RERE: variants seen among roughly 807,000 people sequenced by gnomAD.
RERE encodes arginine-glutamic acid dipeptide repeats.
Under a neutral mutation model 146.1 loss-of-function variants are expected in RERE, and 40 were observed. The observed-to-expected ratio is 0.27, with a 90% CI of 0.21 to 0.36. The LOEUF (loss-of-function observed/expected upper bound fraction) is 0.36. Ranked by LOEUF, RERE falls within the 10% of genes least tolerant of loss-of-function variation. RERE has a pLI of 1.00. For missense variants in RERE, 1,933 were observed against 2,138.7 expected, an observed-to-expected ratio of 0.90 and a Z score of 1.90; for synonymous variants, 1,003 against 866.0, an observed-to-expected ratio of 1.16 and a Z score of -2.78.
chr1:8,566,168 T>C (rs995579806), intron 4 of RERE, among the ~76,000 whole-genome samples: 2 of 152,100 alleles, frequency 1.3e-5, no homozygotes, highest in African/African-American at 4.8e-5. Flanking sequence ...TGAACAGACC[T>C]AAAAATCCAC....
At chr1:8,726,193 C>A (rs1266511658) in intron 1 of RERE, among the ~76,000 whole-genome samples, 3 of 119,556 alleles carry the variant, frequency 2.5e-5, no homozygotes, top group African/African-American at 6.5e-5. Context: ...CTTGCTCTAT[C>A]GCCCAGGCTG....
chr1:8,360,759 C>A lies in RERE; in HGVS notation c.2748G>T (p.Gln916His), dbSNP rs746530339. The change falls in exon 18 of 23, where the codon CAG becomes CAT. Residue 916 changes from glutamine (Q) to histidine (H), a missense_variant. Coordinates refer to ENST00000400908, the MANE Select transcript of RERE (RefSeq NM_001042681.2). ...TGGCCAAGGGCGCTGGTGGCAGGGG[C>A]TGCTCCCGTGGAGGCTGTTGGGACT... Reference protein sequence around the residue: ...ALQSQQPPREQPLPPAPLAMP... With the variant: ...ALQSQQPPREHPLPPAPLAMP... 1 of 1,599,796 alleles carries A rather than the reference C, an allele frequency of 6.3e-7. No individual in the cohort carries two copies. The highest frequency in any genetic ancestry group is 1.1e-5 in the South Asian group (1 of 90,372).
intron 1 of RERE, among the ~76,000 whole-genome samples, chr1:8,699,867 C>A (rs1639410197): frequency 6.6e-6 from 1 of 152,164 alleles, no homozygotes; most frequent in Admixed American, 6.5e-5. Context: ...CCCACGAGAT[C>A]CCACTCCGCC....
intron 4 of RERE, among the ~76,000 whole-genome samples, chr1:8,561,748 G>A (rs1375521524): frequency 2.0e-5 from 3 of 152,244 alleles, no homozygotes. Flanking sequence ...ACTGAGGGAA[G>A]AAGAGAGCAT....
intron 2 of RERE, among the ~76,000 whole-genome samples, chr1:8,638,395 T>C (rs1647128390): frequency 6.6e-6 from 1 of 152,234 alleles, no homozygotes; most frequent in African/African-American, 2.4e-5. Flanking sequence ...TGAATGTCAT[T>C]TGACATTTGA....
At chr1:8,574,383 C>T (rs1218244262) in intron 4 of RERE, among the ~76,000 whole-genome samples, 2 of 117,668 alleles carry the variant, frequency 1.7e-5, no homozygotes, top group African/African-American at 3.3e-5. Context: ...CTCGCTCTGT[C>T]GCCCAGACTG....
intron 1 of RERE, among the ~76,000 whole-genome samples, chr1:8,736,783 G>C (rs555997449): frequency 1.4e-5 from 2 of 147,798 alleles, no homozygotes; most frequent in Non-Finnish European, 3.0e-5. Context: ...ACTCTTTTAG[G>C]CAAACACTTG....
intron 2 of RERE, among the ~76,000 whole-genome samples, chr1:8,634,453 T>C (rs896704210): frequency 2.0e-5 from 3 of 152,362 alleles, no homozygotes; most frequent in Admixed American, 1.3e-4. Context: ...TATTGGCTGA[T>C]TGTTAAAATG....
intron 10 of RERE, among the ~76,000 whole-genome samples, chr1:8,467,660 T>G (rs1232272259): frequency 6.6e-6 from 1 of 152,210 alleles, no homozygotes; most frequent in African/African-American, 2.4e-5. Flanking sequence ...TTTCTTTTTT[T>G]TTGAGACGGA....
chr1:8,509,726 C>A (rs1289941645), intron 7 of RERE, among the ~76,000 whole-genome samples: 1 of 152,128 alleles, frequency 6.6e-6, no homozygotes, highest in Non-Finnish European at 1.5e-5. Context: ...GCTGGGAGGT[C>A]AAGGCTGCAG....
At chr1:8,712,182 T>G (rs1030887478) in intron 1 of RERE, among the ~76,000 whole-genome samples, 8 of 152,186 alleles carry the variant, frequency 5.3e-5, no homozygotes, top group Non-Finnish European at 1.2e-4. Context: ...GAATGTTTGA[T>G]CTGCACAACA....
rs978497523 is a variant in RERE at position 8,654,630 on chromosome 1, G to GTT, written c.325+1341_325+1342dup. Among the ~76,000 whole-genome samples, 208 of 140,416 alleles carry GTT rather than the reference G, an allele frequency of 1.5e-3. 1 individual carries two copies. The highest frequency in any genetic ancestry group is 5.2e-3 in the African/African-American group (203 of 38,824). The allele number at this position is 140,416 out of a possible 152,430, so 92.1% of individuals were successfully genotyped here. A position where few individuals can be genotyped will look rare whatever the true frequency, so the allele number is the denominator to read the frequency against. On this transcript the variant is annotated intron_variant, in intron 2 of 22. Transcript: ENST00000400908. ...CTTCTGTAAGAAAGGATCTTGTTTT[G>GTT]TTTTTTTTTGTTTTTTTTTTTGAGA...
Position 8,360,522 on chromosome 1 carries a change from C to T in RERE, c.2985G>A (p.Gln995=), listed in dbSNP as rs751662591. ...PPPLQLMPQS[Q]PLPSSPAQPP... ...GCTGGGCGGGCGAGGAGGGCAATGG[C>T]TGGCTCTGAGGCATGAGTTGCAGGG... Residue 995 remains glutamine (Q), a synonymous_variant, in exon 18 of 23, where the codon CAG becomes CAA. Coordinates refer to ENST00000400908, the MANE Select transcript of RERE (RefSeq NM_001042681.2). 5 of 1,324,796 alleles carry T rather than the reference C, an allele frequency of 3.8e-6. No individual in the cohort carries two copies. The highest frequency in any genetic ancestry group is 4.9e-6 in the Non-Finnish European group (5 of 1,017,858). 82.1% of individuals were successfully genotyped at this position (1,324,796 alleles called of 1,614,324 possible).
At chr1:8,441,831 T>C (rs1435723115) in intron 11 of RERE, among the ~76,000 whole-genome samples, 2 of 152,122 alleles carry the variant, frequency 1.3e-5, no homozygotes, top group Non-Finnish European at 2.9e-5. Context: ...CATTATTTCG[T>C]TGTTTTCATC....
intron 1 of RERE, among the ~76,000 whole-genome samples, chr1:8,684,881 C>G (rs763500592): frequency 1.6e-4 from 25 of 152,132 alleles, no homozygotes; most frequent in Non-Finnish European, 2.9e-4. Context: ...TCATTTGAGA[C>G]AGGATCTCAC....
At chr1:8,704,841 C>CT (rs1334743041) in intron 1 of RERE, among the ~76,000 whole-genome samples, 3 of 152,210 alleles carry the variant, frequency 2.0e-5, no homozygotes, top group Admixed American at 1.3e-4. Flanking sequence ...TGAAAGGTGG[C>CT]TGTGATCAAT....
chr1:8,646,461 G>A (rs577721664), intron 2 of RERE, among the ~76,000 whole-genome samples: 1 of 151,876 alleles, frequency 6.6e-6, no homozygotes, highest in East Asian at 1.9e-4. Context: ...GAGCTCGGGA[G>A]TTCAAGGCTT....
chr1:8,573,018 T>C (rs957586201), intron 4 of RERE, among the ~76,000 whole-genome samples: 1 of 152,234 alleles, frequency 6.6e-6, no homozygotes, highest in South Asian at 2.1e-4. Flanking sequence ...CACCAGTTTC[T>C]CTACCTACAG....
At chr1:8,816,432 A>G (rs1641912755) in intron 1 of RERE, among the ~76,000 whole-genome samples, 1 of 152,208 alleles carries the variant, frequency 6.6e-6, no homozygotes, top group Admixed American at 6.5e-5. Context: ...TGGAAAAGAG[A>G]CAGAGGAAAA....
Sources: gnomAD v4.1 joint callset for allele counts (sites outside exome capture counted in the v4.1 genomes callset) on GRCh38, gnomAD v4.1.1 for gene constraint, MANE v1.5 for transcripts, NCBI Gene and HGNC (gene_info 2026-07-23, HGNC 2026-07-21) for gene names.